Variants in ATRN observed in about 807,000 individuals in gnomAD.
ATRN encodes attractin.
A neutral mutation model predicts 178.7 loss-of-function variants in ATRN; 54 were observed. The observed-to-expected ratio is 0.30, with a 90% CI of 0.24 to 0.38. The LOEUF (loss-of-function observed/expected upper bound fraction) is 0.38. Among genes scored for constraint, ATRN ranks in the 10% least tolerant of loss-of-function variants. The pLI is 1.00. For synonymous variants in ATRN, 636 were observed against 663.0 expected, an observed-to-expected ratio of 0.96 and a Z score of 0.63; for missense variants, 1,443 against 1,815.1, an observed-to-expected ratio of 0.79 and a Z score of 3.73.
intron 24 of ATRN, among the ~76,000 whole-genome samples, chr20:3,605,707 A>G (rs1358619382): frequency 6.6e-6 from 1 of 152,282 alleles, no homozygotes; most frequent in Admixed American, 6.5e-5. Context: ...CCGAGAACAC[A>G]TGGACACATG....
chr20:3,511,257 C>T (rs1196464815), intron 1 of ATRN, among the ~76,000 whole-genome samples: 1 of 152,016 alleles, frequency 6.6e-6, no homozygotes, highest in Non-Finnish European at 1.5e-5. Flanking sequence ...GAATATAAAA[C>T]AGGTACAGAA....
intron 1 of ATRN, among the ~76,000 whole-genome samples, chr20:3,532,743 G>A (rs975156130): frequency 2.6e-5 from 4 of 151,192 alleles, no homozygotes; most frequent in Non-Finnish European, 5.9e-5. Context: ...TCCCATGTTG[G>A]ATTGAAATGC....
In ATRN at chr20:3,471,124, C is replaced by T; in HGVS notation, c.17C>T (p.Ala6Val). The T allele has an allele frequency of 1.3e-6, 2 of 1,511,436 alleles. No individual in the cohort carries two copies. The highest frequency in any genetic ancestry group is 2.0e-5 in the Admixed American group (1 of 49,330). The allele number at this position is 1,511,436 out of a possible 1,614,324, so 93.6% of individuals were successfully genotyped here. Residue 6 changes from alanine (A) to valine (V), a missense_variant, in exon 1 of 29, where the codon GCG becomes GTG. Transcript: ENST00000262919. ...CCCGGGAAGATGGTGGCTGCAGCGGCGGCAACTGAGGCAAGGCTGAGGAGG... is the reference window on the plus strand; with the variant it reads ...CCCGGGAAGATGGTGGCTGCAGCGGTGGCAACTGAGGCAAGGCTGAGGAGG... Reference protein sequence around the residue: MVAAAAATEARLRRRT... With the variant: MVAAAVATEARLRRRT...
At chr20:3,623,905 A>G (rs538985735) in intron 24 of ATRN, among the ~76,000 whole-genome samples, 39 of 152,330 alleles carry the variant, frequency 2.6e-4, no homozygotes, top group African/African-American at 8.9e-4. Context: ...TGCCTTTTTC[A>G]GCCAATGTTA....
At chr20:3,517,009 G>A (rs577246774) in intron 1 of ATRN, among the ~76,000 whole-genome samples, 17 of 152,062 alleles carry the variant, frequency 1.1e-4, no homozygotes, top group African/African-American at 3.9e-4. Flanking sequence ...CCCAGTAATG[G>A]GATTGTTGGG....
rs972015887 is a variant in ATRN at position 3,576,959 on chromosome 20, A to G, written c.2315A>G (p.Gln772Arg). ...CRSCALDQNCQWEPRNQECIA... is the reference protein window; with the variant it reads ...CRSCALDQNCRWEPRNQECIA... ...AGCTGTGCCCTGGACCAGAACTGCC[A>G]GTGGGAGCCCCGGAATCAGGAGTGC... The change falls in exon 14 of 29, where the codon CAG (glutamine) becomes CGG (arginine). Residue 772 changes from glutamine to arginine, a missense_variant. By Grantham distance (43) the Gln-to-Arg change is conservative. Around this residue, in one of 4 missense-constraint regions of ATRN, gnomAD observed 212 missense variants for 330.7 expected, o/e 0.64. Transcript: ENST00000262919. 1 of 1,614,082 alleles carries G rather than the reference A, an allele frequency of 6.2e-7. No individual in the cohort carries two copies. The highest frequency in any genetic ancestry group is 1.7e-5 in the Admixed American group (1 of 60,008).
intron 1 of ATRN, among the ~76,000 whole-genome samples, chr20:3,472,325 G>A (rs945340388): frequency 8.5e-5 from 13 of 152,070 alleles, no homozygotes; most frequent in African/African-American, 3.1e-4. Flanking sequence ...TCCACAGGGA[G>A]TTTGGAATAT....
At chr20:3,646,172 C>G (rs934299706) in intron 28 of ATRN, among the ~76,000 whole-genome samples, 1 of 152,184 alleles carries the variant, frequency 6.6e-6, no homozygotes, top group African/African-American at 2.4e-5. Flanking sequence ...AAGAACCTTG[C>G]TTATTCCAAA....
intron 1 of ATRN, among the ~76,000 whole-genome samples, chr20:3,487,561 T>TG (rs2084712888): frequency 6.6e-6 from 1 of 152,182 alleles, no homozygotes; most frequent in Non-Finnish European, 1.5e-5. Flanking sequence ...CTAATGCTGT[T>TG]GTTAGTTTGC....
At chr20:3,527,829 A>G (rs961224704) in intron 1 of ATRN, among the ~76,000 whole-genome samples, 1 of 151,884 alleles carries the variant, frequency 6.6e-6, no homozygotes, top group Non-Finnish European at 1.5e-5. Flanking sequence ...AACAAAACCA[A>G]ACATTGCATG....
rs184090106 is a variant in ATRN at position 3,538,615 on chromosome 20, C to T, written c.495-1607C>T. Among the ~76,000 whole-genome samples, 912 of 152,224 alleles carry T rather than the reference C, an allele frequency of 6.0e-3. 10 individuals carry two copies. Among genetic ancestry groups the T allele is most frequent in the African/African-American group, 0.02 (847 of 41,504 alleles). Reference sequence around the variant, plus strand: ...TAAGTGAAAAACTAAGCAACAAACTCTCATTCCCCCTTTTCCTTATTCCCT... The same window carrying T: ...TAAGTGAAAAACTAAGCAACAAACTTTCATTCCCCCTTTTCCTTATTCCCT... On this transcript the variant is annotated intron_variant, in intron 2 of 28. Transcript: ENST00000262919.
At chr20:3,634,275 G>A (rs766949358) in intron 25 of ATRN, 36 bp from the exon 26 acceptor site, 1 of 1,594,316 alleles carries the variant, frequency 6.3e-7, no homozygotes, top group Non-Finnish European at 8.6e-7. Flanking sequence ...GATTCTGGGG[G>A]CTGGGATAAT....
intron 1 of ATRN, among the ~76,000 whole-genome samples, chr20:3,477,695 C>A (rs1380444781): frequency 6.6e-6 from 1 of 150,982 alleles, no homozygotes; most frequent in African/African-American, 2.4e-5. Context: ...ATCTGCTTTC[C>A]CCAGTGCAAT....
intron 3 of ATRN, among the ~76,000 whole-genome samples, chr20:3,541,865 CAA>C (rs1329546568): frequency 6.6e-6 from 1 of 152,172 alleles, no homozygotes; most frequent in Non-Finnish European, 1.5e-5. Context: ...ATCAGTTCAA[CAA>C]ATATTTTTTG....
intron 1 of ATRN, among the ~76,000 whole-genome samples, chr20:3,495,020 A>T (rs568110664): frequency 5.6e-4 from 86 of 152,298 alleles, no homozygotes; most frequent in African/African-American, 2.0e-3. Flanking sequence ...AAACATATAG[A>T]ATTCATTTAT....
intron 1 of ATRN, among the ~76,000 whole-genome samples, chr20:3,494,574 G>T (rs1043023445): frequency 3.3e-5 from 5 of 152,256 alleles, no homozygotes; most frequent in Admixed American, 6.5e-5. Context: ...GATGAGATTG[G>T]TTTGTAGGCT....
chr20:3,594,240 G>A (rs2086491601), intron 19 of ATRN, among the ~76,000 whole-genome samples: 1 of 152,216 alleles, frequency 6.6e-6, no homozygotes, highest in Admixed American at 6.5e-5. Context: ...CATTGCTTCA[G>A]AAGGCAGTGG....
chr20:3,514,325 C>T (rs2085177754), intron 1 of ATRN, among the ~76,000 whole-genome samples: 1 of 152,162 alleles, frequency 6.6e-6, no homozygotes, highest in African/African-American at 2.4e-5. Context: ...ACAGACTCTT[C>T]CAGAGCATAG....
chr20:3,530,143 T>C (rs903217323), intron 1 of ATRN, among the ~76,000 whole-genome samples: 1 of 150,642 alleles, frequency 6.6e-6, no homozygotes, highest in Non-Finnish European at 1.5e-5. Flanking sequence ...GCCATAATCT[T>C]GTATGGCTAA....
Sources: gnomAD v4.1 joint callset for allele counts (sites outside exome capture counted in the v4.1 genomes callset) on GRCh38, gnomAD v4.1.1 for gene constraint, gnomAD v4.1.1 regional missense constraint, MANE v1.5 for transcripts, NCBI Gene and HGNC (gene_info 2026-07-23, HGNC 2026-07-21) for gene names.